Variants in DOCK9 observed in about 807,000 individuals in gnomAD.
DOCK9 encodes dedicator of cytokinesis protein 9.
DOCK9 carries 89 observed loss-of-function variants against 263.3 expected under a neutral mutation model. The observed-to-expected ratio is 0.34, with a 90% CI of 0.28 to 0.40. The LOEUF (loss-of-function observed/expected upper bound fraction) is 0.40, where lower values mean the gene tolerates loss of function less well. Ranked by LOEUF, DOCK9 falls within the 10% of genes least tolerant of loss-of-function variation. The probability of loss-of-function intolerance (pLI) is 1.00; values close to 1 mark genes in which losing one functional copy is unlikely to be tolerated. For missense variants in DOCK9, 2,140 were observed against 2,603.4 expected (o/e 0.82, Z 3.87); for synonymous variants, 976 against 973.1 (o/e 1.00, Z -0.06).
intron 9 of DOCK9, among the ~76,000 whole-genome samples, chr13:98,908,306 A>T (rs1481305567): frequency 6.6e-6 from 1 of 152,206 alleles, no homozygotes; most frequent in African/African-American, 2.4e-5. Flanking sequence ...GCCTTTTGGG[A>T]CGGTAACCTG....
At chr13:99,081,500 A>G (rs1044212395) in intron 1 of DOCK9, among the ~76,000 whole-genome samples, 2 of 152,236 alleles carry the variant, frequency 1.3e-5, no homozygotes, top group East Asian at 1.9e-4. Flanking sequence ...ACATAGTGAG[A>G]TAAGATCAGT....
chr13:99,063,215 G>A (rs1478526009), intron 1 of DOCK9, among the ~76,000 whole-genome samples: 1 of 152,222 alleles, frequency 6.6e-6, no homozygotes, highest in African/African-American at 2.4e-5. Context: ...AGGGACAAAC[G>A]AACGATGAAA....
intron 49 of DOCK9, among the ~76,000 whole-genome samples, chr13:98,803,998 CTCTT>C (rs144869870): frequency 0.025 from 3,791 of 150,694 alleles, 161 homozygotes; most frequent in African/African-American, 0.087. Context: ...CATCCAGTCT[CTCTT>C]TTTAAAGCAT....
intron 38 of DOCK9, among the ~76,000 whole-genome samples, chr13:98,843,808 A>T (rs776258307): frequency 3.3e-5 from 5 of 152,186 alleles, no homozygotes; most frequent in Non-Finnish European, 7.3e-5. Flanking sequence ...CTCTCCTCCA[A>T]TTCAAGTTAC....
At chr13:98,836,427 T>G (rs2141091740) in intron 39 of DOCK9, among the ~76,000 whole-genome samples, 1 of 152,316 alleles carries the variant, frequency 6.6e-6, no homozygotes, top group African/African-American at 2.4e-5. Context: ...GTAGAGGCAC[T>G]GTGATGTTCA....
chr13:99,063,307 C>T (rs1169405773), intron 1 of DOCK9, among the ~76,000 whole-genome samples: 4 of 151,144 alleles, frequency 2.6e-5, no homozygotes, highest in Non-Finnish European at 4.4e-5. Flanking sequence ...GACAGCCCTA[C>T]GGCCCTACCC....
At chr13:99,029,917 G>A (rs1029595207) in intron 1 of DOCK9, among the ~76,000 whole-genome samples, 8 of 152,180 alleles carry the variant, frequency 5.3e-5, no homozygotes, top group African/African-American at 1.9e-4. Context: ...TAAACAAAAT[G>A]TGGTTTATCC....
chr13:99,073,360 T>TTCTCTCTCGCCTCTC (rs1555307596), intron 1 of DOCK9, among the ~76,000 whole-genome samples: 1 of 141,300 alleles, frequency 7.1e-6, no homozygotes, highest in Non-Finnish European at 1.5e-5. Flanking sequence ...TCTTCTTCTT[T>TTCTCTCTCGCCTCTC]TCTCTCTCTC....
intron 9 of DOCK9, among the ~76,000 whole-genome samples, chr13:98,909,828 G>C (rs1469445674): frequency 1.1e-4 from 17 of 152,166 alleles, no homozygotes; most frequent in Admixed American, 9.2e-4. Flanking sequence ...GTTCTGCTGA[G>C]CATGGCCCTT....
In DOCK9 at chr13:98,831,369, G is replaced by C; in HGVS notation, c.4614C>G (p.Ser1538=). 6.2e-7 allele frequency: 1 copy of C among 1,605,072 alleles called. No homozygotes were observed. Among genetic ancestry groups the C allele is most frequent in the South Asian group, 1.1e-5 (1 of 88,834 alleles). Residue 1538 remains serine (S), a synonymous_variant, in exon 41 of 53, where the codon TCC becomes TCG. Coordinates refer to ENST00000682017, the MANE Select transcript of DOCK9 (RefSeq NM_001366683.2). ...RNNFDYTGKK[S]FVRTHLQVII... ...GCACTTGCAAATGTGTCCGGACAAA[G>C]GACTTCTTTCCAGTGTAATCAAAGT...
At chr13:99,053,898 G>T (rs1469822367) in intron 1 of DOCK9, among the ~76,000 whole-genome samples, 1 of 152,106 alleles carries the variant, frequency 6.6e-6, no homozygotes, top group African/African-American at 2.4e-5. Flanking sequence ...TTGGAAGCAG[G>T]GTTAATCTTG....
intron 1 of DOCK9, among the ~76,000 whole-genome samples, chr13:99,031,380 A>G (rs1306795283): frequency 1.3e-5 from 2 of 152,264 alleles, no homozygotes; most frequent in Non-Finnish European, 2.9e-5. Context: ...TATCTGAAAT[A>G]TGAGCCAGGG....
In DOCK9 at chr13:98,885,888, G is replaced by A. The variant is rs2045619483; in HGVS notation, c.2137-57C>T. ...TTCTAAAAACACAGAAACTCTCAGT[G>A]GAAGCAGAGACAGTATGTGTTACCC... On this transcript the variant is annotated intron_variant, in intron 19 of 52. Transcript: ENST00000682017. 5 of 1,537,756 alleles carry A rather than the reference G, an allele frequency of 3.3e-6. No homozygotes were observed. The Admixed American group carries it at 5.9e-5, about 18-fold the overall frequency.
In DOCK9 at chr13:98,794,713, C is replaced by T. The variant is rs377598866; in HGVS notation, c.6192G>A (p.Pro2064=). The T allele has an allele frequency of 8.9e-5, 144 of 1,613,792 alleles. No individual in the cohort carries two copies. The highest frequency in any genetic ancestry group is 1.1e-4 in the Non-Finnish European group (131 of 1,179,862). ...TGGCGTTGAAGATGTGAAGGGAATT[C>T]GGTAAGACGCTCGTCTTCTCCTCCA... is the stretch of plus-strand genomic sequence containing the variant. ...CPLEEKTSVL[P]NSLHIFNAIS... is the part of the protein sequence containing the mutation. Residue 2064 remains proline (P), a synonymous_variant, in exon 53 of 53, where the codon CCG becomes CCA. Transcript: ENST00000682017.
At chr13:98,814,847 G>A (rs1392949673) in intron 45 of DOCK9, among the ~76,000 whole-genome samples, 1 of 151,782 alleles carries the variant, frequency 6.6e-6, no homozygotes, top group Admixed American at 6.6e-5. Flanking sequence ...AGGCTGAGGT[G>A]GGAGAACAAC....
At chr13:98,942,200 C>T (rs1368864296) in intron 2 of DOCK9, among the ~76,000 whole-genome samples, 2 of 146,320 alleles carry the variant, frequency 1.4e-5, no homozygotes, top group Non-Finnish European at 3.0e-5. Context: ...TTCCAGTTGT[C>T]TGTATGTGTC....
chr13:99,075,355 C>CTTTTTTTTT (rs142464481), intron 1 of DOCK9, among the ~76,000 whole-genome samples: 1 of 121,980 alleles, frequency 8.2e-6, no homozygotes, highest in Non-Finnish European at 1.7e-5. Flanking sequence ...AGCTGTAGTA[C>CTTTTTTTTT]TTTTTTTTTT....
At chr13:98,987,063 TCACCACCACCAC>T (rs988279943) in intron 1 of DOCK9, among the ~76,000 whole-genome samples, 3 of 151,930 alleles carry the variant, frequency 2.0e-5, no homozygotes, top group Non-Finnish European at 4.4e-5. Flanking sequence ...ATCACCATCT[TCACCACCACCAC>T]CGCCACCACC....
intron 38 of DOCK9, among the ~76,000 whole-genome samples, chr13:98,844,964 ATAAC>A (rs2093344670): frequency 6.6e-6 from 1 of 152,240 alleles, no homozygotes; most frequent in Non-Finnish European, 1.5e-5. Context: ...AGATAAAACA[ATAAC>A]TAGCTGTGTC....
Sources: gnomAD v4.1 joint callset for allele counts (sites outside exome capture counted in the v4.1 genomes callset) on GRCh38, gnomAD v4.1.1 for gene constraint, MANE v1.5 for transcripts, NCBI Gene and HGNC (gene_info 2026-07-23, HGNC 2026-07-21) for gene names.